Variants in ZNF268 observed in about 807,000 individuals in gnomAD.
ZNF268 encodes zinc finger protein 268.
In ZNF268, 20 loss-of-function variants were observed where a neutral mutation model predicts 29.3. The observed-to-expected ratio is 0.68, with a 90% CI of 0.48 to 0.99. ZNF268 has a LOEUF of 0.99. ZNF268 is among the 50% of genes least tolerant of loss of function. The probability of loss-of-function intolerance (pLI) is 0.00; values close to 1 mark genes in which losing one functional copy is unlikely to be tolerated. For synonymous variants in ZNF268, 429 were observed against 376.9 expected (o/e 1.14, Z -1.60); for missense variants, 1,240 against 1,121.6 (o/e 1.11, Z -1.51).
chr12:133,202,711 G>A lies in ZNF268; in HGVS notation c.1025G>A (p.Ser342Asn). 2 of 1,611,468 alleles carry A rather than the reference G, an allele frequency of 1.2e-6. No individual in the cohort carries two copies. Among genetic ancestry groups the A allele is most frequent in the Non-Finnish European group, 1.7e-6 (2 of 1,178,870 alleles). The change falls in exon 6 of 6, where the codon AGT becomes AAT. Residue 342 changes from serine (S) to asparagine (N), a missense_variant. Physicochemically the swap from Ser to Asn is conservative, Grantham distance 46 (BLOSUM62 1). This residue lies in a region of ZNF268 where 1,177 missense variants were observed against 1,039.6 expected (regional missense o/e 1.13). Coordinates refer to ENST00000536435, the MANE Select transcript of ZNF268 (RefSeq NM_003415.3). ...TGCAGTGAATGCAGGAAAACATTCA[G>A]TTTCCATTCACAGCTTGTTATACAT... Reference protein sequence around the residue: ...HECSECRKTFSFHSQLVIHQR... With the variant: ...HECSECRKTFNFHSQLVIHQR...
intron 3 of ZNF268, 96 bp from the exon 4 acceptor site, chr12:133,191,393 C>T (rs2135497243): frequency 1.4e-6 from 2 of 1,447,522 alleles, no homozygotes; most frequent in Non-Finnish European, 1.9e-6. Flanking sequence ...TTTTTGTTCT[C>T]ACAAAGTTAA....
chr12:133,196,175 A>G (rs1433785970), intron 5 of ZNF268, among the ~76,000 whole-genome samples: 2 of 151,434 alleles, frequency 1.3e-5, no homozygotes, highest in Non-Finnish European at 2.9e-5. Flanking sequence ...TACAAAAATT[A>G]GCTGGGCGTG....
At chr12:133,182,226 A>G (rs1196752195) in intron 2 of ZNF268, among the ~76,000 whole-genome samples, 196 bp downstream of exon 2, 2 of 152,008 alleles carry the variant, frequency 1.3e-5, no homozygotes. Flanking sequence ...TCCTCCTTTC[A>G]TCAATCTCTT....
In ZNF268 at chr12:133,206,901, A is replaced by T. The variant is rs1444835158; in HGVS notation, c.*2371A>T. ...ATTGATGTACCAAAGAAGACAGAAT[A>T]AATTCATAAGAGAAAGTTTATATTC... On this transcript the variant is annotated 3_prime_UTR_variant, in exon 6 of 6. Transcript: ENST00000536435. 3 of 152,212 alleles carry T rather than the reference A, an allele frequency of 2.0e-5. No homozygotes were observed. Among genetic ancestry groups the T allele is most frequent in the African/African-American group, 7.2e-5 (3 of 41,436 alleles). The allele number at this position is 152,212 out of a possible 1,614,324, so 9.4% of individuals were successfully genotyped here. A position where few individuals can be genotyped will look rare whatever the true frequency, so the allele number is the denominator to read the frequency against.
chr12:133,182,002 C>A lies in ZNF268; in HGVS notation c.5C>A (p.Ala2Asp). 1 of 1,565,710 alleles carries A rather than the reference C, an allele frequency of 6.4e-7. No individual in the cohort carries two copies. Among genetic ancestry groups the A allele is most frequent in the Non-Finnish European group, 8.7e-7 (1 of 1,154,836 alleles). Residue 2 changes from alanine (A) to aspartate (D), a missense_variant, in exon 2 of 6, where the codon GCC becomes GAC. By Grantham distance (126) the Ala-to-Asp change is moderately radical (BLOSUM62 -2). This residue lies in a region of ZNF268 where 51 missense variants were observed against 51.4 expected (regional missense o/e 0.99). Coordinates refer to ENST00000536435, the MANE Select transcript of ZNF268 (RefSeq NM_003415.3). ...CACACAAAACTGACCGTAGGGATGG[C>A]CACCAGGGTCCGGACAGCTTCTATT... MATRVRTASIWV... is the reference protein window; with the variant it reads MDTRVRTASIWV...
chr12:133,204,346 C>G lies in ZNF268; in HGVS notation c.2660C>G (p.Ser887Ter). Reference protein sequence around the residue: ...SQLIVHQRTHSGEKPYGCNEC... With the variant: ...SQLIVHQRTH The stretch of plus-strand genomic sequence containing the variant: ...CTCATTGTACATCAAAGAACTCATT[C>G]AGGAGAGAAACCCTATGGGTGCAAT... Residue 887 changes from serine (S) to a stop codon, truncating the protein, a stop_gained, in exon 6 of 6, where the codon TCA becomes TGA. Transcript: ENST00000536435. LOFTEE classifies it high-confidence loss of function. The G allele has an allele frequency of 6.4e-7, 1 of 1,569,612 alleles. No homozygotes were observed. The highest frequency in any genetic ancestry group is 8.6e-7 in the Non-Finnish European group (1 of 1,161,240).
At position 133,205,152 on chromosome 12, in the gene ZNF268, A is replaced by AC; in HGVS notation, c.*622_*623insC. On this transcript the variant is annotated 3_prime_UTR_variant, in exon 6 of 6. Transcript: ENST00000536435. Reference sequence around the variant, plus strand: ...CCTTAGAAGCTTCATTCTAAAAAAAAAAAAAAAAAAAAAAAAAAAAACCAA... The same window carrying AC: ...CCTTAGAAGCTTCATTCTAAAAAAAACAAAAAAAAAAAAAAAAAAAAACCAA... 1 of 132,558 alleles carries AC rather than the reference A, an allele frequency of 7.5e-6. No individual in the cohort carries two copies. Among genetic ancestry groups the AC allele is most frequent in the Non-Finnish European group, 1.6e-5 (1 of 61,792 alleles). 8.2% of individuals were successfully genotyped at this position (132,558 alleles called of 1,614,324 possible). A position where few individuals can be genotyped will look rare whatever the true frequency, so the allele number is the denominator to read the frequency against.
Position 133,204,179 on chromosome 12 carries a change from A to AG in ZNF268, c.2497dup (p.Val833GlyfsTer5). ...TCATTGTACATGAGCGAACTCATGC[A>AG]GGGGTCAACCCTTATAAATGCAGTC... is the stretch of plus-strand genomic sequence containing the variant. On this transcript the variant is annotated frameshift_variant, in exon 6 of 6. Transcript: ENST00000536435. LOFTEE classifies it low-confidence loss of function (END_TRUNC). 1 of 1,541,266 alleles carries AG rather than the reference A, an allele frequency of 6.5e-7. No individual in the cohort carries two copies. Among genetic ancestry groups the AG allele is most frequent in the Non-Finnish European group, 8.7e-7 (1 of 1,147,258 alleles).
intron 5 of ZNF268, among the ~76,000 whole-genome samples, chr12:133,200,774 A>C (rs1216033506): frequency 6.6e-6 from 1 of 151,988 alleles, no homozygotes; most frequent in East Asian, 1.9e-4. Context: ...AAACATCTTC[A>C]GTCTCTTTTT....
In ZNF268 at chr12:133,212,011, G is replaced by A. The variant is rs1956989756; in HGVS notation, c.*7481G>A. On this transcript the variant is annotated 3_prime_UTR_variant, in exon 6 of 6. Coordinates refer to ENST00000536435, the MANE Select transcript of ZNF268 (RefSeq NM_003415.3). ...TAGGTGAATGACTAACTAGGCTGGGGTACATCCATGCAATGGAGTCCTGTT... is the reference window on the plus strand; with the variant it reads ...TAGGTGAATGACTAACTAGGCTGGGATACATCCATGCAATGGAGTCCTGTT... The A allele has an allele frequency of 6.6e-6, 1 of 152,178 alleles. No homozygotes were observed. The highest frequency in any genetic ancestry group is 1.5e-5 in the Non-Finnish European group (1 of 68,034). The allele number at this position is 152,178 out of a possible 1,614,324, so 9.4% of individuals were successfully genotyped here.
At chr12:133,197,881 G>C (rs1195726961) in intron 5 of ZNF268, among the ~76,000 whole-genome samples, 1 of 151,924 alleles carries the variant, frequency 6.6e-6, no homozygotes, top group Non-Finnish European at 1.5e-5. Flanking sequence ...TTTTTGATGG[G>C]GTTGTTTTTT....
Position 133,203,995 on chromosome 12 carries a change from A to G in ZNF268, c.2309A>G (p.His770Arg). 8 of 1,584,602 alleles carry G rather than the reference A, an allele frequency of 5.0e-6. No individual in the cohort carries two copies. Among genetic ancestry groups the G allele is most frequent in the Non-Finnish European group, 6.9e-6 (8 of 1,167,748 alleles). Residue 770 changes from histidine to arginine, a missense_variant, in exon 6 of 6, where the codon CAT (histidine) becomes CGT (arginine). By Grantham distance (29) the His-to-Arg change is conservative. Around this residue, in one of 3 missense-constraint regions of ZNF268, gnomAD observed 1,177 missense variants for 1,039.6 expected, o/e 1.13. Coordinates refer to ENST00000536435, the MANE Select transcript of ZNF268 (RefSeq NM_003415.3). ...AATAGGAAAGACCAGCTCATTTCAC[A>G]TCAGCGAACTCATGCAGGGGAAAAG... is the stretch of plus-strand genomic sequence containing the variant. The part of the protein sequence containing the change: ...AFNRKDQLIS[H>R]QRTHAGEKPY...
At chr12:133,196,330 A>C (rs1956598517) in intron 5 of ZNF268, among the ~76,000 whole-genome samples, 1 of 151,824 alleles carries the variant, frequency 6.6e-6, no homozygotes, top group African/African-American at 2.4e-5. Flanking sequence ...AAAAAAAAAA[A>C]AAAAAAAAAA....
In ZNF268 at chr12:133,205,541, A is replaced by G. The variant is rs1956883624; in HGVS notation, c.*1011A>G. ...GATATGACAATATCATCTTCCAGAGATTTCTACTCTGCATACCAACATTGT... is the reference window on the plus strand; with the variant it reads ...GATATGACAATATCATCTTCCAGAGGTTTCTACTCTGCATACCAACATTGT... On this transcript the variant is annotated 3_prime_UTR_variant, in exon 6 of 6. Coordinates refer to ENST00000536435, the MANE Select transcript of ZNF268 (RefSeq NM_003415.3). 1 of 152,150 alleles carries G rather than the reference A, an allele frequency of 6.6e-6. No homozygotes were observed. Among genetic ancestry groups the G allele is most frequent in the African/African-American group, 2.4e-5 (1 of 41,434 alleles). The allele number at this position is 152,150 out of a possible 1,614,324, so 9.4% of individuals were successfully genotyped here.
intron 5 of ZNF268, among the ~76,000 whole-genome samples, chr12:133,197,834 T>G (rs1956649167): frequency 6.6e-6 from 1 of 152,220 alleles, no homozygotes; most frequent in African/African-American, 2.4e-5. Flanking sequence ...CATAAATGTC[T>G]TCTTTTGAGA....
In ZNF268 at chr12:133,213,829, C is replaced by T. The variant is rs1483746636; in HGVS notation, c.*9299C>T. The T allele has an allele frequency of 3.3e-5, 5 of 151,954 alleles. No individual in the cohort carries two copies. Among genetic ancestry groups the T allele is most frequent in the Admixed American group, 2.0e-4 (3 of 15,250 alleles). 9.4% of individuals were successfully genotyped at this position (151,954 alleles called of 1,614,324 possible). ...CCTGGCTAATGTGGTGAAACCCTGT[C>T]TCTACAAAAAAATACAAAAAATTAG... On this transcript the variant is annotated 3_prime_UTR_variant, in exon 6 of 6. Coordinates refer to ENST00000536435, the MANE Select transcript of ZNF268 (RefSeq NM_003415.3).
chr12:133,197,206 A>T (rs1454843607), intron 5 of ZNF268, among the ~76,000 whole-genome samples: 1 of 103,562 alleles, frequency 9.7e-6, no homozygotes, highest in African/African-American at 3.9e-5. Context: ...CCCCACAACA[A>T]TCCCCAAAGT....
intron 5 of ZNF268, among the ~76,000 whole-genome samples, chr12:133,195,610 G>A (rs899906008): frequency 6.6e-6 from 1 of 152,142 alleles, no homozygotes; most frequent in African/African-American, 2.4e-5. Context: ...GGGATGCTGA[G>A]GTTGGAAGAT....
At position 133,213,179 on chromosome 12, in the gene ZNF268, C is replaced by G. The variant is rs775532642; in HGVS notation, c.*8649C>G. The G allele has an allele frequency of 7.2e-5, 11 of 152,090 alleles. No individual in the cohort carries two copies. The highest frequency in any genetic ancestry group is 1.5e-4 in the Non-Finnish European group (10 of 68,034). The allele number at this position is 152,090 out of a possible 1,614,324, so 9.4% of individuals were successfully genotyped here. ...CTCCATATTTTTTATAATAGCCACT[C>G]TAACATGTATGAAATGGTATCTCAT... On this transcript the variant is annotated 3_prime_UTR_variant, in exon 6 of 6. Transcript: ENST00000536435.
Sources: allele counts gnomAD v4.1 joint callset (sites outside exome capture counted in the v4.1 genomes callset), GRCh38; gene constraint gnomAD v4.1.1; regional missense constraint gnomAD v4.1.1; transcripts MANE v1.5; gene names NCBI Gene and HGNC (gene_info 2026-07-23, HGNC 2026-07-21).